HCK: variants seen among roughly 807,000 people sequenced by gnomAD.
The protein encoded by HCK is tyrosine-protein kinase HCK.
In HCK, 40 loss-of-function variants were observed where a neutral mutation model predicts 70.4. That is an observed-to-expected ratio of 0.57 (90% CI 0.44 to 0.74). The LOEUF is 0.74. Ranked by LOEUF, HCK falls within the 30% of genes least tolerant of loss-of-function variation. The probability of loss-of-function intolerance (pLI) is 0.00; values close to 1 mark genes in which losing one functional copy is unlikely to be tolerated. For synonymous variants in HCK, 245 were observed against 263.2 expected (o/e 0.93, Z 0.67); for missense variants, 568 against 697.2 (o/e 0.81, Z 2.09).
chr20:32,068,169 A>G (rs1241001797), intron 1 of HCK, among the ~76,000 whole-genome samples: 12 of 151,936 alleles, frequency 7.9e-5, no homozygotes, highest in Non-Finnish European at 1.6e-4. Context: ...GTAGTGGCAC[A>G]TGCCTGTAAT....
At chr20:32,094,976 T>C (rs2045935872) in intron 11 of HCK, among the ~76,000 whole-genome samples, 1 of 152,134 alleles carries the variant, frequency 6.6e-6, no homozygotes, top group Non-Finnish European at 1.5e-5. Context: ...TTCGTTTTTG[T>C]GAAATTCTAA....
chr20:32,096,519 AAAGAT>A (rs1394147320), intron 11 of HCK, among the ~76,000 whole-genome samples: 1 of 151,042 alleles, frequency 6.6e-6, no homozygotes, highest in Non-Finnish European at 1.5e-5. Flanking sequence ...AAAAAAAAAA[AAAGAT>A]AGGTGCTTGC....
chr20:32,094,751 A>G (rs6058525), intron 11 of HCK, among the ~76,000 whole-genome samples: 2,835 of 87,360 alleles, frequency 0.032, 130 homozygotes, highest in African/African-American at 0.053. Context: ...GAAAGAAAGA[A>G]AGAAAGAAAG....
chr20:32,084,308 G>T (rs2122577279), intron 7 of HCK, 83 bp from the exon 8 acceptor site: 1 of 1,412,876 alleles, frequency 7.1e-7, no homozygotes. Flanking sequence ...AGATCCAGTG[G>T]ACCAGGTAGG....
chr20:32,087,489 C>T (rs981503639), intron 9 of HCK, among the ~76,000 whole-genome samples: 14 of 151,826 alleles, frequency 9.2e-5, no homozygotes, highest in Non-Finnish European at 1.0e-4. Flanking sequence ...TTTTTAGAGA[C>T]AGGGTTGCCC....
At position 32,084,398 on chromosome 20, in the gene HCK, C is replaced by T. The variant is rs779036282; in HGVS notation, c.690C>T (p.Asn230=). 1.4e-5 allele frequency: 22 copies of T among 1,612,422 alleles called. No homozygotes were observed. The highest frequency in any genetic ancestry group is 6.7e-5 in the Admixed American group (4 of 59,802). Reference sequence around the variant, plus strand: ...CCAGGGACTCTGTTCCAGAGGGGAACGACGGGCTCTGCCAGAAACTGTCGG... The same window carrying T: ...CCAGGGACTCTGTTCCAGAGGGGAATGACGGGCTCTGCCAGAAACTGTCGG... The change falls in exon 8 of 13, where the codon AAC becomes AAT. Residue 230 remains asparagine (N), a synonymous_variant. Coordinates refer to ENST00000375852, the MANE Select transcript of HCK (RefSeq NM_002110.5).
chr20:32,074,804 G>A (rs2045598538), intron 5 of HCK, 83 bp downstream of exon 5: 3 of 902,562 alleles, frequency 3.3e-6, no homozygotes, highest in Non-Finnish European at 3.7e-6. Flanking sequence ...TGCACACACT[G>A]TACCACTGCC....
intron 1 of HCK, among the ~76,000 whole-genome samples, chr20:32,067,634 G>A (rs2045479013): frequency 7.2e-6 from 1 of 138,528 alleles, no homozygotes; most frequent in South Asian, 2.2e-4. Context: ...TTCACTCACT[G>A]TGCATGACAC....
In HCK at chr20:32,071,741, T is replaced by C; in HGVS notation, c.142T>C (p.Cys48Arg). Reference sequence around the variant, plus strand: ...AACTGAAACCAGCGCCAGCCCACACTGTCCTGTGTACGTGCCGGATCCCAC... The same window carrying C: ...AACTGAAACCAGCGCCAGCCCACACCGTCCTGTGTACGTGCCGGATCCCAC... Residue 48 changes from cysteine (C) to arginine (R), a missense_variant, in exon 2 of 13, where the codon TGT (cysteine) becomes CGT (arginine). Coordinates refer to ENST00000375852, the MANE Select transcript of HCK (RefSeq NM_002110.5). The C allele has an allele frequency of 6.2e-7, 1 of 1,614,020 alleles. No individual in the cohort carries two copies. The highest frequency in any genetic ancestry group is 8.5e-7 in the Non-Finnish European group (1 of 1,179,972).
chr20:32,074,107 A>G (rs2045586074), intron 4 of HCK, among the ~76,000 whole-genome samples: 1 of 152,180 alleles, frequency 6.6e-6, no homozygotes, highest in Non-Finnish European at 1.5e-5. Context: ...CCTGTGGACC[A>G]GGCCCCATCG....
chr20:32,062,855 G>A lies in HCK; in HGVS notation c.63-8807G>A, dbSNP rs7268039. 2.2e-3 allele frequency among the ~76,000 whole-genome samples: 332 copies of A among 152,318 alleles called. 2 individuals carry two copies. The highest frequency in any genetic ancestry group is 7.2e-3 in the African/African-American group (301 of 41,568). On this transcript the variant is annotated intron_variant, in intron 1 of 12. Transcript: ENST00000375852. ...CTCTGCACCCCCAAGGCACTGCTCA[G>A]GGAATTGGCTCCTGTTGAGGAAATA...
intron 5 of HCK, among the ~76,000 whole-genome samples, chr20:32,076,513 G>A (rs746543303): frequency 4.6e-5 from 7 of 152,144 alleles, no homozygotes; most frequent in Non-Finnish European, 8.8e-5. Flanking sequence ...TGGAGGAGGC[G>A]TGGCTGGCAT....
At chr20:32,075,992 T>C (rs918282456) in intron 5 of HCK, among the ~76,000 whole-genome samples, 1 of 152,194 alleles carries the variant, frequency 6.6e-6, no homozygotes, top group African/African-American at 2.4e-5. Flanking sequence ...GCTTGCCTGT[T>C]AAAAATGAAA....
intron 11 of HCK, among the ~76,000 whole-genome samples, chr20:32,094,761 G>GAAAGAAAGAAAGA (rs776580530): frequency 8.5e-6 from 1 of 117,158 alleles, no homozygotes; most frequent in African/African-American, 3.3e-5. Flanking sequence ...AAGAAAGAAA[G>GAAAGAAAGAAAGA]AAGGAAAGAA....
chr20:32,086,254 T>C (rs191674110), intron 8 of HCK, among the ~76,000 whole-genome samples: 1,581 of 152,266 alleles, frequency 0.01, 13 homozygotes, highest in Non-Finnish European at 0.017. Context: ...CTCCTGACCT[T>C]GTGATCCGCC....
chr20:32,085,109 A>C (rs1324343702), intron 8 of HCK, among the ~76,000 whole-genome samples: 1 of 152,234 alleles, frequency 6.6e-6, no homozygotes, highest in South Asian at 2.1e-4. Context: ...AATACGTTCC[A>C]AATGGGAGCG....
chr20:32,055,247 T>C (rs1374703715), intron 1 of HCK, among the ~76,000 whole-genome samples: 4 of 152,198 alleles, frequency 2.6e-5, no homozygotes, highest in African/African-American at 9.7e-5. Context: ...GAGAAGAATG[T>C]TGCTCTGCTG....
chr20:32,100,658 G>T (rs984932174), intron 12 of HCK, among the ~76,000 whole-genome samples: 3 of 152,106 alleles, frequency 2.0e-5, no homozygotes, highest in African/African-American at 7.2e-5. Context: ...TAAAATTGGG[G>T]ATCACAGACA....
At chr20:32,071,565 C>CA (rs1464556856) in intron 1 of HCK, 97 bp from the exon 2 acceptor site, 2 of 1,516,516 alleles carry the variant, frequency 1.3e-6, no homozygotes, top group Non-Finnish European at 1.8e-6. Context: ...CAGTGGGAGC[C>CA]AGCCCGGGGG....
Sources: gnomAD v4.1 joint callset for allele counts (sites outside exome capture counted in the v4.1 genomes callset) on GRCh38, gnomAD v4.1.1 for gene constraint, MANE v1.5 for transcripts, NCBI Gene and HGNC (gene_info 2026-07-23, HGNC 2026-07-21) for gene names.